EML6: variants seen among roughly 807,000 people sequenced by gnomAD.
The protein encoded by EML6 is EMAP like 6, also known as echinoderm microtubule-associated protein-like 6.
A neutral mutation model predicts 240.1 loss-of-function variants in EML6; 154 were observed. That is an observed-to-expected ratio of 0.64 (90% CI 0.56 to 0.73). The LOEUF (loss-of-function observed/expected upper bound fraction) is 0.73. EML6 is among the 30% of genes least tolerant of loss of function. The pLI, the probability that EML6 is intolerant of heterozygous loss-of-function variation, is 0.00. For missense variants in EML6, 2,964 were observed against 2,474.6 expected (o/e 1.20, Z -4.20); for synonymous variants, 1,148 against 899.0 (o/e 1.28, Z -4.95).
chr2:54,841,479 G>A (rs1185922924), intron 7 of EML6, among the ~76,000 whole-genome samples: 1 of 151,884 alleles, frequency 6.6e-6, no homozygotes, highest in African/African-American at 2.4e-5. Flanking sequence ...ATCCTCTCGG[G>A]ACCACAGTGA....
intron 17 of EML6, among the ~76,000 whole-genome samples, chr2:54,883,815 G>A (rs938308607): frequency 3.9e-5 from 6 of 152,306 alleles, no homozygotes; most frequent in Admixed American, 3.9e-4. Context: ...TATGCAGTGT[G>A]TTCTTTATTT....
At chr2:54,838,535 G>T (rs969674773) in intron 7 of EML6, among the ~76,000 whole-genome samples, 1 of 152,160 alleles carries the variant, frequency 6.6e-6, no homozygotes, top group Non-Finnish European at 1.5e-5. Flanking sequence ...AATAAGCAAT[G>T]TCCCTTAGTA....
chr2:54,891,830 C>T (rs1672484318), intron 18 of EML6, among the ~76,000 whole-genome samples: 1 of 152,126 alleles, frequency 6.6e-6, no homozygotes, highest in Non-Finnish European at 1.5e-5. Context: ...GTGTAGCTGT[C>T]TTGAATAAAG....
chr2:54,871,445 A>T, intron 15 of EML6, 55 bp from the exon 16 acceptor site: 1 of 1,372,720 alleles, frequency 7.3e-7, no homozygotes, highest in East Asian at 2.5e-5. Flanking sequence ...TAAGGAACAA[A>T]ATCATTGTTA....
intron 2 of EML6, among the ~76,000 whole-genome samples, chr2:54,806,067 T>G (rs1289728215): frequency 6.6e-6 from 1 of 152,136 alleles, no homozygotes; most frequent in Non-Finnish European, 1.5e-5. Flanking sequence ...TAAGCAGAAC[T>G]TCTACTTTTG....
intron 2 of EML6, among the ~76,000 whole-genome samples, chr2:54,756,921 G>A (rs895248314): frequency 6.6e-6 from 1 of 151,678 alleles, no homozygotes; most frequent in Admixed American, 6.6e-5. Context: ...GTAGTTTTGA[G>A]ACCTCCTGGA....
At chr2:54,817,353 A>C (rs964664676) in intron 4 of EML6, among the ~76,000 whole-genome samples, 1 of 152,214 alleles carries the variant, frequency 6.6e-6, no homozygotes, top group African/African-American at 2.4e-5. Context: ...GTGATCAAAA[A>C]TGATAATTCC....
At chr2:54,907,941 TAGATAAGA>T (rs769101497) in intron 24 of EML6, among the ~76,000 whole-genome samples, 524 of 26,114 alleles carry the variant, frequency 0.02, 1 homozygote, top group Non-Finnish European at 0.037. Context: ...GATAGATAGA[TAGATAAGA>T]TAGATAGATA....
intron 2 of EML6, among the ~76,000 whole-genome samples, chr2:54,736,731 A>G (rs1683412553): frequency 6.6e-6 from 1 of 151,818 alleles, no homozygotes; most frequent in Non-Finnish European, 1.5e-5. Context: ...TTCTTTCCTC[A>G]TCATTGTGGT....
At chr2:54,785,864 G>A (rs1350229076) in intron 2 of EML6, among the ~76,000 whole-genome samples, 1 of 151,782 alleles carries the variant, frequency 6.6e-6, no homozygotes, top group Non-Finnish European at 1.5e-5. Flanking sequence ...TGTATTTACT[G>A]GGAAAATTTG....
intron 11 of EML6, among the ~76,000 whole-genome samples, chr2:54,859,030 C>A (rs1670536495): frequency 6.6e-6 from 1 of 152,202 alleles, no homozygotes; most frequent in Non-Finnish European, 1.5e-5. Flanking sequence ...AATATCACTT[C>A]AAGTAGCTTT....
At position 54,967,032 on chromosome 2, in the gene EML6, T is replaced by G; in HGVS notation, c.5526T>G (p.His1842Gln). ...VSTGAYKRQV[H>Q]EVPLGKQVTE... Reference sequence around the variant, plus strand: ...CAGGTGCCTATAAGCGCCAGGTGCATGAGGTCCCCCTGGGGAAGCAGGTAA... The same window carrying G: ...CAGGTGCCTATAAGCGCCAGGTGCAGGAGGTCCCCCTGGGGAAGCAGGTAA... The change falls in exon 39 of 42, where the codon CAT becomes CAG. Residue 1842 changes from histidine to glutamine, a missense_variant. Coordinates refer to ENST00000356458, the MANE Select transcript of EML6 (RefSeq NM_001039753.4). 1 of 1,551,306 alleles carries G rather than the reference T, an allele frequency of 6.4e-7. No individual in the cohort carries two copies. The highest frequency in any genetic ancestry group is 8.7e-7 in the Non-Finnish European group (1 of 1,146,730).
At chr2:54,846,430 T>G (rs1461202722) in intron 8 of EML6, among the ~76,000 whole-genome samples, 1 of 151,640 alleles carries the variant, frequency 6.6e-6, no homozygotes, top group Non-Finnish European at 1.5e-5. Context: ...TATTGAGAGA[T>G]ATATATTTGT....
chr2:54,949,936 TAG>T (rs1460272559), intron 29 of EML6, among the ~76,000 whole-genome samples: 1 of 152,208 alleles, frequency 6.6e-6, no homozygotes, highest in African/African-American at 2.4e-5. Flanking sequence ...ATCTTTTCTG[TAG>T]AGTCTTTCCT....
At chr2:54,748,224 A>G (rs569507872) in intron 2 of EML6, 98 of 152,366 alleles carry the variant, frequency 6.4e-4, no homozygotes, top group African/African-American at 2.3e-3. Context: ...GAAAGACTCA[A>G]TAAAACTTTA....
intron 5 of EML6, among the ~76,000 whole-genome samples, chr2:54,825,652 G>A (rs193151090): frequency 6.6e-6 from 1 of 152,278 alleles, no homozygotes; most frequent in African/African-American, 2.4e-5. Context: ...TTTCTGAGAA[G>A]AGAATCCGAT....
chr2:54,903,968 G>C (rs1170423760), intron 24 of EML6, among the ~76,000 whole-genome samples: 1 of 152,092 alleles, frequency 6.6e-6, no homozygotes, highest in African/African-American at 2.4e-5. Flanking sequence ...AAATTTCTCT[G>C]CTCTATAAAA....
At chr2:54,890,871 C>G (rs1008538409) in intron 17 of EML6, among the ~76,000 whole-genome samples, 183 bp from the exon 18 acceptor site, 1 of 152,112 alleles carries the variant, frequency 6.6e-6, no homozygotes, top group African/African-American at 2.4e-5. Context: ...AGAAAGGGTT[C>G]AAACATGCAA....
At chr2:54,744,218 G>T (rs1683793635) in intron 2 of EML6, among the ~76,000 whole-genome samples, 1 of 152,100 alleles carries the variant, frequency 6.6e-6, no homozygotes, top group African/African-American at 2.4e-5. Flanking sequence ...TAAAGAGATT[G>T]CTTTATGTTA....
Sources: allele counts gnomAD v4.1 joint callset (sites outside exome capture counted in the v4.1 genomes callset), GRCh38; gene constraint gnomAD v4.1.1; transcripts MANE v1.5; gene names NCBI Gene and HGNC (gene_info 2026-07-23, HGNC 2026-07-21).